Variants in CPD observed in about 807,000 individuals in gnomAD.
CPD encodes carboxypeptidase D.
CPD carries 69 observed loss-of-function variants against 138.3 expected under a neutral mutation model. The ratio of observed to expected loss-of-function variants is 0.50; its 90% CI spans 0.41 to 0.61. The LOEUF (loss-of-function observed/expected upper bound fraction) is 0.61, where lower values mean the gene tolerates loss of function less well. Among genes scored for constraint, CPD ranks in the 20% least tolerant of loss-of-function variants. CPD has a pLI of 0.00. For missense variants in CPD, 1,432 were observed against 1,733.3 expected (o/e 0.83, Z 3.09); for synonymous variants, 651 against 642.1 (o/e 1.01, Z -0.21).
Position 30,422,856 on chromosome 17 carries a change from A to G in CPD, c.1490A>G (p.Gln497Arg). 16 of 1,614,118 alleles carry G rather than the reference A, an allele frequency of 9.9e-6. No individual in the cohort carries two copies. The highest frequency in any genetic ancestry group is 1.4e-5 in the Non-Finnish European group (16 of 1,179,968). Residue 497 changes from glutamine (Q) to arginine (R), a missense_variant, in exon 5 of 21, where the codon CAG (glutamine) becomes CGG (arginine). Coordinates refer to ENST00000225719, the MANE Select transcript of CPD (RefSeq NM_001304.5). ...SGTSSSYQPI[Q>R]PKDFHHHHFP... ...ACATCATCCTCCTACCAGCCAATTC[A>G]GCCAAAGGACTTTCACCACCACCAT...
At chr17:30,413,723 C>G (rs1393674539) in intron 2 of CPD, among the ~76,000 whole-genome samples, 1 of 152,092 alleles carries the variant, frequency 6.6e-6, no homozygotes, top group Non-Finnish European at 1.5e-5. Flanking sequence ...ATAGTAAACA[C>G]AGTAGGTGAA....
chr17:30,462,589 T>C (rs1913518537), intron 20 of CPD, 120 bp downstream of exon 20: 1 of 685,858 alleles, frequency 1.5e-6, no homozygotes, highest in Admixed American at 2.6e-5. Flanking sequence ...TAATGTCTCC[T>C]TATCTAAATG....
intron 2 of CPD, among the ~76,000 whole-genome samples, chr17:30,399,495 T>A (rs1051519197): frequency 9.2e-5 from 14 of 152,204 alleles, no homozygotes; most frequent in Non-Finnish European, 1.6e-4. Flanking sequence ...AAATTCTGAT[T>A]GTTGCATGCA....
At chr17:30,429,543 G>C (rs921434565) in intron 7 of CPD, among the ~76,000 whole-genome samples, 2 of 152,156 alleles carry the variant, frequency 1.3e-5, no homozygotes, top group Admixed American at 1.3e-4. Flanking sequence ...CATAGAGTCC[G>C]CAGCTGGAGC....
In CPD at chr17:30,442,367, G is replaced by A; in HGVS notation, c.2290G>A (p.Gly764Ser). ...TNCFEVTIEL[G>S]CVKYPLEKEL... ...TTGCTTTGAAGTGACTATTGAACTA[G>A]GTTGTGTGAAATATCCACTTGAGAA... Residue 764 changes from glycine to serine, a missense_variant, in exon 10 of 21, where the codon GGT becomes AGT. Physicochemically the swap from Gly to Ser is moderately conservative, Grantham distance 56. Coordinates refer to ENST00000225719, the MANE Select transcript of CPD (RefSeq NM_001304.5). 3 of 1,613,344 alleles carry A rather than the reference G, an allele frequency of 1.9e-6. No homozygotes were observed. The highest frequency in any genetic ancestry group is 2.5e-6 in the Non-Finnish European group (3 of 1,179,458).
chr17:30,415,771 G>A (rs1912089054), intron 2 of CPD, among the ~76,000 whole-genome samples: 1 of 152,182 alleles, frequency 6.6e-6, no homozygotes, highest in South Asian at 2.1e-4. Flanking sequence ...ATAAAGAAAA[G>A]TTTGTATATA....
In CPD at chr17:30,423,651, C is replaced by T. The variant is rs756370246; in HGVS notation, c.1803C>T (p.His601=). ...ATTTGGTTCATAACACTAGAATTCA[C>T]CTTATGCCATCCATGAATCCTGATG... ...VTDLVHNTRI[H]LMPSMNPDGY... Residue 601 remains histidine (H), a synonymous_variant, in exon 6 of 21, where the codon CAC becomes CAT. Transcript: ENST00000225719. The T allele has an allele frequency of 3.1e-6, 5 of 1,607,282 alleles. No individual in the cohort carries two copies. In the African/African-American group the frequency reaches 6.7e-5, roughly 22 times the overall value.
At chr17:30,385,743 A>T (rs1911168362) in intron 2 of CPD, among the ~76,000 whole-genome samples, 1 of 151,304 alleles carries the variant, frequency 6.6e-6, no homozygotes, top group Non-Finnish European at 1.5e-5. Context: ...TGTCCAAAGT[A>T]GCCTTGGTAG....
chr17:30,395,166 A>G (rs1447874551), intron 2 of CPD, among the ~76,000 whole-genome samples: 1 of 150,968 alleles, frequency 6.6e-6, no homozygotes, highest in Non-Finnish European at 1.5e-5. Flanking sequence ...AAGTTCAACC[A>G]GAACATATAT....
rs774836280 is a variant in CPD, at chr17:30,445,686, C to T, written c.2544-5C>T. On this transcript the variant is annotated splice_region_variant and splice_polypyrimidine_tract_variant and intron_variant, in intron 11 of 20. Coordinates refer to ENST00000225719, the MANE Select transcript of CPD (RefSeq NM_001304.5). ...TGTGGTTCTGATCTGTCTCCTTTAT[C>T]ATAGGTATAATCCAGTTACCAAGAA... 11 of 1,582,842 alleles carry T rather than the reference C, an allele frequency of 6.9e-6. No homozygotes were observed. Among genetic ancestry groups the T allele is most frequent in the African/African-American group, 1.3e-5 (1 of 74,130 alleles).
At chr17:30,456,379 T>C in intron 16 of CPD, 28 bp downstream of exon 16, 1 of 1,611,768 alleles carries the variant, frequency 6.2e-7, no homozygotes, top group Non-Finnish European at 8.5e-7. Flanking sequence ...CTTTTGTTAT[T>C]GCTGTTGTTG....
chr17:30,409,818 T>C (rs1303800346), intron 2 of CPD, among the ~76,000 whole-genome samples: 2 of 152,224 alleles, frequency 1.3e-5, no homozygotes, highest in South Asian at 2.1e-4. Flanking sequence ...CCTGGATTCA[T>C]TGATTTTTTT....
chr17:30,412,742 G>GT (rs1203612143), intron 2 of CPD, among the ~76,000 whole-genome samples: 2 of 152,186 alleles, frequency 1.3e-5, no homozygotes, highest in African/African-American at 2.4e-5. Context: ...GAAAAGCACA[G>GT]TATTTGGGCA....
At chr17:30,439,450 C>T (rs1167732269) in intron 9 of CPD, among the ~76,000 whole-genome samples, 4 of 128,648 alleles carry the variant, frequency 3.1e-5, no homozygotes, top group East Asian at 4.7e-4. Context: ...GGTACATGTG[C>T]ACATTGTGCA....
intron 15 of CPD, chr17:30,456,023 G>C (rs906980432): frequency 8.1e-6 from 4 of 493,092 alleles, no homozygotes; most frequent in Non-Finnish European, 1.4e-5. Context: ...GTATTTTAGT[G>C]TGATAGTCTG....
At position 30,462,687 on chromosome 17, in the gene CPD, A is replaced by T. The variant is rs1396456466; in HGVS notation, c.3916+218A>T. ...AGCTCCATCAAGGAGACCCTAACCC[A>T]GCGGTGCTAGAGAAATTAAAGACAC... On this transcript the variant is annotated intron_variant, in intron 20 of 20. Transcript: ENST00000225719. Among the ~76,000 whole-genome samples, 3 of 152,084 alleles carry T rather than the reference A, an allele frequency of 2.0e-5. No individual in the cohort carries two copies. The East Asian group carries it at 5.8e-4, about 29-fold the overall frequency.
chr17:30,447,892 T>C (rs960515761), intron 12 of CPD, among the ~76,000 whole-genome samples: 2 of 152,218 alleles, frequency 1.3e-5, no homozygotes, highest in Admixed American at 1.3e-4. Context: ...TTGATTCCTA[T>C]GGTTTGCCTG....
chr17:30,426,068 C>T (rs764956072), intron 6 of CPD, among the ~76,000 whole-genome samples: 8 of 151,574 alleles, frequency 5.3e-5, no homozygotes, highest in South Asian at 2.1e-4. Flanking sequence ...GGCGTGGTGG[C>T]GCACACCTGT....
Position 30,378,955 on chromosome 17 carries a change from G to A in CPD, c.-26G>A. The A allele has an allele frequency of 2.7e-6, 4 of 1,462,642 alleles. No individual in the cohort carries two copies. Among genetic ancestry groups the A allele is most frequent in the South Asian group, 1.4e-5 (1 of 72,704 alleles). The allele number at this position is 1,462,642 out of a possible 1,614,324, so 90.6% of individuals were successfully genotyped here. A position where few individuals can be genotyped will look rare whatever the true frequency, so the allele number is the denominator to read the frequency against. On this transcript the variant is annotated 5_prime_UTR_variant, in exon 1 of 21. Transcript: ENST00000225719. ...CGGAGCGCTGAGCCGCGGGAGCGGA[G>A]CCGGGGTTAGCGGCGCTGCTGGAAG...
Sources: gnomAD v4.1 joint callset for allele counts (sites outside exome capture counted in the v4.1 genomes callset) on GRCh38, gnomAD v4.1.1 for gene constraint, MANE v1.5 for transcripts, NCBI Gene and HGNC (gene_info 2026-07-23, HGNC 2026-07-21) for gene names.